Variants in PHLDB2 observed in about 807,000 individuals in gnomAD.
PHLDB2 encodes the protein pleckstrin homology like domain family B member 2.
A neutral mutation model predicts 123.6 loss-of-function variants in PHLDB2; 71 were observed. That is an observed-to-expected ratio of 0.57 (90% CI 0.47 to 0.70). The LOEUF (loss-of-function observed/expected upper bound fraction) is 0.70. Among genes scored for constraint, PHLDB2 ranks in the 30% least tolerant of loss-of-function variants. The probability of loss-of-function intolerance (pLI) is 0.00; values close to 1 mark genes in which losing one functional copy is unlikely to be tolerated. For synonymous variants in PHLDB2, 547 were observed against 541.6 expected, an observed-to-expected ratio of 1.01 and a Z score of -0.14; for missense variants, 1,446 against 1,519.5, an observed-to-expected ratio of 0.95 and a Z score of 0.80.
chr3:111,740,899 TAAAA>T (rs372089397), intron 1 of PHLDB2, among the ~76,000 whole-genome samples: 1 of 126,490 alleles, frequency 7.9e-6, no homozygotes, highest in Non-Finnish European at 1.7e-5. Context: ...CCCATCAAGT[TAAAA>T]AAAAAAAAAA....
At chr3:111,877,430 T>C (rs528413954) in intron 1 of PHLDB2, among the ~76,000 whole-genome samples, 3 of 152,344 alleles carry the variant, frequency 2.0e-5, no homozygotes, top group African/African-American at 7.2e-5. Flanking sequence ...TTTTTTCTTG[T>C]AAATTTGTTT....
chr3:111,824,441 C>A (rs984249157), intron 1 of PHLDB2, among the ~76,000 whole-genome samples: 1 of 152,182 alleles, frequency 6.6e-6, no homozygotes, highest in Non-Finnish European at 1.5e-5. Context: ...ACCTCAATAG[C>A]CTGACTAGCC....
chr3:111,771,333 C>T (rs1468237617), intron 1 of PHLDB2, among the ~76,000 whole-genome samples: 5 of 143,068 alleles, frequency 3.5e-5, no homozygotes, highest in African/African-American at 1.0e-4. Context: ...AAATGCATCA[C>T]CCCATCACTG....
rs1223404409 is a variant in PHLDB2 at position 111,885,212 on chromosome 3, A to G, written c.1135A>G (p.Thr379Ala). The G allele has an allele frequency of 1.2e-6, 2 of 1,614,114 alleles. No homozygotes were observed. The highest frequency in any genetic ancestry group is 2.7e-5 in the African/African-American group (2 of 75,012). ...LAGESDRVFA[T>A]RRNFSCGSVE... ...TGGAGAGTCAGACAGAGTTTTTGCG[A>G]CCAGGAGGAACTTCTCTTGTGGATC... The change falls in exon 2 of 18, where the codon ACC becomes GCC. Residue 379 changes from threonine (T) to alanine (A), a missense_variant. By Grantham distance (58) the Thr-to-Ala change is moderately conservative (BLOSUM62 0). Transcript: ENST00000431670.
At chr3:111,906,561 C>T (rs2107473892) in intron 2 of PHLDB2, among the ~76,000 whole-genome samples, 1 of 152,256 alleles carries the variant, frequency 6.6e-6, no homozygotes, top group Non-Finnish European at 1.5e-5. Context: ...CCTTGGTCTC[C>T]TTAGGCAGTG....
chr3:111,769,372 T>G lies in PHLDB2; in HGVS notation c.-49+36669T>G, dbSNP rs761031289. 3.3e-5 allele frequency among the ~76,000 whole-genome samples: 5 copies of G among 152,198 alleles called. No individual in the cohort carries two copies. In the South Asian group the frequency reaches 1.0e-3, roughly 32 times the overall value. On this transcript the variant is annotated intron_variant, in intron 1 of 17. Coordinates refer to the PHLDB2 transcript ENST00000393923. ...ATATTCTCACTTGTGTCCAAACCCT[T>G]GCTTGGCAGCTCTGTCAGACACTGT... is the stretch of plus-strand genomic sequence containing the variant.
chr3:111,785,328 T>C (rs2060639324), intron 1 of PHLDB2, among the ~76,000 whole-genome samples: 1 of 152,156 alleles, frequency 6.6e-6, no homozygotes, highest in Non-Finnish European at 1.5e-5. Flanking sequence ...AACCCCTACA[T>C]GTATTTTGCA....
chr3:111,949,075 G>A lies in PHLDB2; in HGVS notation c.2631G>A (p.Glu877=). The A allele has an allele frequency of 6.2e-7, 1 of 1,613,544 alleles. No individual in the cohort carries two copies. Reference sequence around the variant, plus strand: ...TGGCGAGCCAGCCACAGAGTAAAGAGGTGTGTAGGCATGACGTTTCATTCA... The same window carrying A: ...TGGCGAGCCAGCCACAGAGTAAAGAAGTGTGTAGGCATGACGTTTCATTCA... ...AVLASQPQSK[E]HFRSLEERKK... is the part of the protein sequence containing the mutation. Residue 877 remains glutamate, a splice_region_variant and synonymous_variant, in exon 10 of 18, where the codon GAG becomes GAA. Transcript: ENST00000431670.
intron 1 of PHLDB2, among the ~76,000 whole-genome samples, chr3:111,814,127 T>C (rs1418007682): frequency 6.6e-6 from 1 of 152,174 alleles, no homozygotes; most frequent in African/African-American, 2.4e-5. Flanking sequence ...CTGTGATAGT[T>C]AATACTGAGT....
At chr3:111,773,358 T>C (rs1446157823) in intron 1 of PHLDB2, among the ~76,000 whole-genome samples, 4 of 152,130 alleles carry the variant, frequency 2.6e-5, no homozygotes, top group Non-Finnish European at 4.4e-5. Flanking sequence ...GACCCAAATG[T>C]ATGAGAAGAC....
intron 1 of PHLDB2, among the ~76,000 whole-genome samples, chr3:111,790,330 C>T (rs2108185756): frequency 6.6e-6 from 1 of 152,318 alleles, no homozygotes; most frequent in African/African-American, 2.4e-5. Flanking sequence ...ATTGTGTCTC[C>T]TTTCTGACCA....
intron 1 of PHLDB2, among the ~76,000 whole-genome samples, chr3:111,791,562 G>A (rs2060927301): frequency 6.6e-6 from 1 of 152,128 alleles, no homozygotes; most frequent in Non-Finnish European, 1.5e-5. Context: ...AATCTCCCTG[G>A]TAGTGTATAA....
intron 6 of PHLDB2, among the ~76,000 whole-genome samples, chr3:111,937,275 A>T (rs1258248016): frequency 6.6e-6 from 1 of 152,242 alleles, no homozygotes; most frequent in Non-Finnish European, 1.5e-5. Context: ...TTGCTTTATC[A>T]TTAATATAAA....
chr3:111,752,592 A>G lies in PHLDB2; in HGVS notation c.-49+19889A>G, dbSNP rs917606538. ...GAATCAGAGTTTACTAGAAACATCAAGTTTTCATTCGGTTATTTTCTAACA... is the reference window on the plus strand; with the variant it reads ...GAATCAGAGTTTACTAGAAACATCAGGTTTTCATTCGGTTATTTTCTAACA... On this transcript the variant is annotated intron_variant, in intron 1 of 17. Transcript: ENST00000393923. Among the ~76,000 whole-genome samples, 51 of 151,620 alleles carry G rather than the reference A, an allele frequency of 3.4e-4. No individual in the cohort carries two copies. The South Asian group carries it at 0.01, about 31-fold the overall frequency.
At chr3:111,798,107 C>T (rs1471069945) in intron 1 of PHLDB2, among the ~76,000 whole-genome samples, 3 of 152,112 alleles carry the variant, frequency 2.0e-5, no homozygotes, top group Non-Finnish European at 4.4e-5. Context: ...GCACTCCATC[C>T]TGGGTGACAC....
intron 1 of PHLDB2, among the ~76,000 whole-genome samples, chr3:111,866,013 C>CTTTTTTTTTTTTTTTTTTT (rs1239058039): frequency 2.1e-5 from 1 of 47,680 alleles, no homozygotes; most frequent in Non-Finnish European, 4.3e-5. Flanking sequence ...CCCACCCACT[C>CTTTTTTTTTTTTTTTTTTT]ATTTTTTTTT....
intron 10 of PHLDB2, 124 bp from the exon 11 acceptor site, chr3:111,952,448 A>G (rs775660064): frequency 1.2e-5 from 13 of 1,081,320 alleles, no homozygotes; most frequent in Non-Finnish European, 1.7e-5. Context: ...TATATGTTGA[A>G]TAACTTTAAG....
At chr3:111,776,000 A>G (rs2060261577) in intron 1 of PHLDB2, among the ~76,000 whole-genome samples, 2 of 152,154 alleles carry the variant, frequency 1.3e-5, no homozygotes, top group South Asian at 2.1e-4. Flanking sequence ...AGAGATATTG[A>G]CCTCCTCACA....
chr3:111,904,826 TGA>T (rs2067419343), intron 2 of PHLDB2, among the ~76,000 whole-genome samples: 1 of 152,266 alleles, frequency 6.6e-6, no homozygotes, highest in African/African-American at 2.4e-5. Context: ...TTGGAAAGAC[TGA>T]GAGACTCTCC....
Sources: allele counts gnomAD v4.1 joint callset (sites outside exome capture counted in the v4.1 genomes callset), GRCh38; gene constraint gnomAD v4.1.1; transcripts MANE v1.5; gene names NCBI Gene and HGNC (gene_info 2026-07-23, HGNC 2026-07-21).